Variants in GRM3 observed in about 807,000 individuals in gnomAD.
The protein encoded by GRM3 is glutamate metabotropic receptor 3.
Under a neutral mutation model 70.5 loss-of-function variants are expected in GRM3, and 26 were observed. That is an observed-to-expected ratio of 0.37 (90% CI 0.27 to 0.51). The LOEUF is 0.51. Among genes scored for constraint, GRM3 ranks in the 20% least tolerant of loss-of-function variants. GRM3 has a pLI of 0.93. For synonymous variants in GRM3, 443 were observed against 434.9 expected (o/e 1.02, Z -0.23); for missense variants, 859 against 1,123.8 (o/e 0.76, Z 3.37).
chr7:86,794,231 C>A (rs1197463156), intron 3 of GRM3, among the ~76,000 whole-genome samples: 1 of 152,002 alleles, frequency 6.6e-6, no homozygotes, highest in Non-Finnish European at 1.5e-5. Flanking sequence ...ATAGTTTTTT[C>A]CACTTCTGTA....
chr7:86,645,992 TGGGGGTGGGGGGGTGGGG>T (rs1562811224), intron 1 of GRM3, among the ~76,000 whole-genome samples: 2 of 6,104 alleles, frequency 3.3e-4, no homozygotes, highest in Non-Finnish European at 3.1e-4. Context: ...GGCGGGGGGG[TGGGGGTGGGGGGGTGGGG>T]GGGGGTGGGA....
At chr7:86,817,892 G>C (rs1233543363) in intron 3 of GRM3, among the ~76,000 whole-genome samples, 1 of 151,978 alleles carries the variant, frequency 6.6e-6, no homozygotes, top group East Asian at 1.9e-4. Context: ...GCAACTACCT[G>C]AGGTGCAATC....
intron 1 of GRM3, among the ~76,000 whole-genome samples, chr7:86,645,650 C>T (rs894653489): frequency 1.3e-5 from 2 of 152,082 alleles, no homozygotes; most frequent in African/African-American, 2.4e-5. Context: ...GGACAATTCT[C>T]TAAGGTACAA....
chr7:86,796,298 A>G (rs1299666049), intron 3 of GRM3, among the ~76,000 whole-genome samples: 1 of 152,212 alleles, frequency 6.6e-6, no homozygotes, highest in Non-Finnish European at 1.5e-5. Flanking sequence ...CAGTTTTCCC[A>G]GCACCATTTA....
chr7:86,741,033 C>G (rs888283851), intron 1 of GRM3, among the ~76,000 whole-genome samples: 8 of 152,180 alleles, frequency 5.3e-5, no homozygotes, highest in Admixed American at 4.6e-4. Flanking sequence ...AGAAAACCAT[C>G]ATCTCTCTCC....
Position 86,765,074 on chromosome 7 carries a change from G to C in GRM3, c.-72G>C. The C allele has an allele frequency of 3.3e-6, 5 of 1,504,266 alleles. No homozygotes were observed. The highest frequency in any genetic ancestry group is 4.4e-6 in the Non-Finnish European group (5 of 1,133,906). The allele number at this position is 1,504,266 out of a possible 1,614,324, so 93.2% of individuals were successfully genotyped here. A position where few individuals can be genotyped will look rare whatever the true frequency, so the allele number is the denominator to read the frequency against. ...AAGGACAGGCCAAAGATCCAGTTTG[G>C]AAATGAGAGAGGACTAGCATGACAC... is the stretch of plus-strand genomic sequence containing the variant. On this transcript the variant is annotated 5_prime_UTR_variant, in exon 2 of 6. Transcript: ENST00000361669.
At chr7:86,804,579 T>C (rs1205121173) in intron 3 of GRM3, among the ~76,000 whole-genome samples, 1 of 151,964 alleles carries the variant, frequency 6.6e-6, no homozygotes, top group African/African-American at 2.4e-5. Context: ...CCAGCTAACT[T>C]TTTGTATTTT....
At chr7:86,673,471 A>G (rs1794224841) in intron 1 of GRM3, among the ~76,000 whole-genome samples, 1 of 152,116 alleles carries the variant, frequency 6.6e-6, no homozygotes, top group African/African-American at 2.4e-5. Context: ...CCTTCTGTCT[A>G]CATTTTCAAG....
chr7:86,765,347 C>A lies in GRM3; in HGVS notation c.202C>A (p.Arg68Ser), dbSNP rs200125543. The A allele has an allele frequency of 1.2e-6, 2 of 1,613,870 alleles. No homozygotes were observed. Among genetic ancestry groups the A allele is most frequent in the Non-Finnish European group, 1.7e-6 (2 of 1,179,878 alleles). Residue 68 changes from arginine (R) to serine (S), a missense_variant, in exon 2 of 6, where the codon CGC becomes AGC. Coordinates refer to ENST00000361669, the MANE Select transcript of GRM3 (RefSeq NM_000840.3). Reference sequence around the variant, plus strand: ...AATCAATGAAGACCGAGGGATTCAACGCCTGGAAGCCATGTTGTTTGCTAT... The same window carrying A: ...AATCAATGAAGACCGAGGGATTCAAAGCCTGGAAGCCATGTTGTTTGCTAT... ...GRINEDRGIQ[R>S]LEAMLFAIDE...
At chr7:86,761,612 A>T (rs1796482141) in intron 1 of GRM3, among the ~76,000 whole-genome samples, 1 of 152,190 alleles carries the variant, frequency 6.6e-6, no homozygotes, top group African/African-American at 2.4e-5. Flanking sequence ...TATTCCTTCA[A>T]GAAACATTCG....
At chr7:86,817,462 C>A (rs1285011363) in intron 3 of GRM3, among the ~76,000 whole-genome samples, 1 of 151,904 alleles carries the variant, frequency 6.6e-6, no homozygotes, top group African/African-American at 2.4e-5. Context: ...AGCTCATTTT[C>A]TCCAGTTACA....
chr7:86,864,221 GCTATTAC>G, intron 5 of GRM3, 54 bp from the exon 6 acceptor site: 1 of 839,812 alleles, frequency 1.2e-6, no homozygotes, highest in Non-Finnish European at 2.1e-6. Context: ...TATCCTTCAT[GCTATTAC>G]CTTTGTGTCC....
At chr7:86,698,916 T>C (rs1562830059) in intron 1 of GRM3, among the ~76,000 whole-genome samples, 1 of 152,006 alleles carries the variant, frequency 6.6e-6, no homozygotes, top group East Asian at 1.9e-4. Flanking sequence ...CCACTAGCAG[T>C]ATGTATTGTT....
At chr7:86,750,341 C>G (rs1796201044) in intron 1 of GRM3, among the ~76,000 whole-genome samples, 1 of 152,044 alleles carries the variant, frequency 6.6e-6, no homozygotes, top group African/African-American at 2.4e-5. Flanking sequence ...TTGTGTAATA[C>G]AGACTATGAC....
rs1403184266 is a variant in GRM3 at position 86,644,399 on chromosome 7, C to T, written c.-614C>T. On this transcript the variant is annotated 5_prime_UTR_variant, in exon 1 of 6. It introduces an in-frame stop codon into an upstream open reading frame of the 5' UTR. Coordinates refer to ENST00000361669, the MANE Select transcript of GRM3 (RefSeq NM_000840.3). ...TTCTGCCAAGAGTCCCAATTAGATGCGACGGCTTCAGCCTGGTCAAGGTGA... is the reference window on the plus strand; with the variant it reads ...TTCTGCCAAGAGTCCCAATTAGATGTGACGGCTTCAGCCTGGTCAAGGTGA... The T allele has an allele frequency of 9.4e-6, 3 of 320,714 alleles. No homozygotes were observed. The highest frequency in any genetic ancestry group is 9.1e-5 in the Admixed American group (2 of 21,916). 19.9% of individuals were successfully genotyped at this position (320,714 alleles called of 1,614,324 possible).
rs67046105 is a variant in GRM3 at position 86,801,064 on chromosome 7, CT to C, written c.1324+13972del. On this transcript the variant is annotated intron_variant, in intron 3 of 5. Transcript: ENST00000361669. ...TATGTTTTACCACGGCAAACTTCTT[CT>C]TTTTTTTTTTTTTTTTTTTTTTTGA... Among the ~76,000 whole-genome samples the C allele has an allele frequency of 4.2e-3, 361 of 86,822 alleles. 3 individuals are homozygous for C. The South Asian group carries it at 0.066, about 16-fold the overall frequency. The allele number at this position is 86,822 out of a possible 152,430, so 57.0% of individuals were successfully genotyped here. A position where few individuals can be genotyped will look rare whatever the true frequency, so the allele number is the denominator to read the frequency against.
chr7:86,733,009 T>C (rs941503832), intron 1 of GRM3, among the ~76,000 whole-genome samples: 1 of 151,684 alleles, frequency 6.6e-6, no homozygotes, highest in Non-Finnish European at 1.5e-5. Flanking sequence ...GAAGAAGTGA[T>C]GGGGAGATAA....
At chr7:86,817,050 G>C (rs1371874703) in intron 3 of GRM3, among the ~76,000 whole-genome samples, 1 of 151,886 alleles carries the variant, frequency 6.6e-6, no homozygotes, top group Non-Finnish European at 1.5e-5. Flanking sequence ...TATGGTAAGA[G>C]TAAAATGAAA....
intron 1 of GRM3, among the ~76,000 whole-genome samples, chr7:86,720,050 G>A (rs923341295): frequency 3.3e-5 from 5 of 151,932 alleles, no homozygotes; most frequent in Admixed American, 6.6e-5. Flanking sequence ...TAATAGATTG[G>A]GATAGAACAA....
Sources: allele counts gnomAD v4.1 joint callset (sites outside exome capture counted in the v4.1 genomes callset), GRCh38; gene constraint gnomAD v4.1.1; transcripts MANE v1.5; gene names NCBI Gene and HGNC (gene_info 2026-07-23, HGNC 2026-07-21).